Variants in ERBB4 observed in about 807,000 individuals in gnomAD.
ERBB4 encodes the protein receptor tyrosine-protein kinase erbB-4.
Under a neutral mutation model 158.0 loss-of-function variants are expected in ERBB4, and 42 were observed. The ratio of observed to expected loss-of-function variants is 0.27; its 90% confidence interval spans 0.21 to 0.34. The LOEUF is 0.34. Ranked by LOEUF, ERBB4 falls within the 10% of genes least tolerant of loss-of-function variation. The pLI is 1.00. For missense variants in ERBB4, 1,333 were observed against 1,624.1 expected (o/e 0.82, Z 3.08); for synonymous variants, 583 against 558.7 (o/e 1.04, Z -0.61).
chr2:212,416,585 C>T (rs1246819684), intron 1 of ERBB4, among the ~76,000 whole-genome samples: 1 of 152,000 alleles, frequency 6.6e-6, no homozygotes, highest in African/African-American at 2.4e-5. Context: ...GTATAAAATA[C>T]AAATAAAGCC....
At chr2:211,557,660 T>C (rs1203437317) in intron 20 of ERBB4, among the ~76,000 whole-genome samples, 1 of 121,024 alleles carries the variant, frequency 8.3e-6, no homozygotes. Context: ...GGAACACTTA[T>C]ACATGGTGGG....
chr2:211,905,687 C>CACAT (rs1183634005), intron 3 of ERBB4, among the ~76,000 whole-genome samples: 3,381 of 95,130 alleles, frequency 0.036, 128 homozygotes, highest in African/African-American at 0.07. Flanking sequence ...TATATACACA[C>CACAT]ATATATGTGT....
rs548134831 is a variant in ERBB4, at chr2:211,802,117, G to T, written c.422-13958C>A. 2.6e-5 allele frequency among the ~76,000 whole-genome samples: 4 copies of T among 152,256 alleles called. No homozygotes were observed. The East Asian group carries it at 7.7e-4, about 29-fold the overall frequency. On this transcript the variant is annotated intron_variant, in intron 3 of 27. Transcript: ENST00000342788. ...TACTAAAAATACAAAAAATTAGCCG[G>T]GTGCGGTGGCGGGCACCTGTAGTCG...
chr2:211,988,216 T>C (rs989523364), intron 2 of ERBB4, among the ~76,000 whole-genome samples: 1 of 152,142 alleles, frequency 6.6e-6, no homozygotes, highest in African/African-American at 2.4e-5. Flanking sequence ...TTCAGACCTA[T>C]TGTTATTAAA....
chr2:211,425,969 A>G (rs1460781294), intron 22 of ERBB4, among the ~76,000 whole-genome samples: 9 of 152,108 alleles, frequency 5.9e-5, no homozygotes, highest in Non-Finnish European at 1.2e-4. Flanking sequence ...CAAGCACGAG[A>G]CACCGTGCGG....
chr2:212,144,981 C>A (rs1047859045), intron 1 of ERBB4, among the ~76,000 whole-genome samples: 2 of 152,054 alleles, frequency 1.3e-5, no homozygotes, highest in Non-Finnish European at 2.9e-5. Flanking sequence ...CATTCGTAAA[C>A]CACTTTGGGG....
intron 1 of ERBB4, among the ~76,000 whole-genome samples, chr2:212,187,408 A>G (rs1054855540): frequency 8.2e-6 from 1 of 121,638 alleles, no homozygotes; most frequent in East Asian, 3.3e-4. Flanking sequence ...GTACCCTAAA[A>G]CTTAAAGTAT....
chr2:212,287,875 G>C (rs1477101401), intron 1 of ERBB4, among the ~76,000 whole-genome samples: 1 of 152,086 alleles, frequency 6.6e-6, no homozygotes, highest in Non-Finnish European at 1.5e-5. Flanking sequence ...GACACATAGA[G>C]GGCAACAACA....
chr2:211,676,936 G>A (rs781159519), intron 13 of ERBB4, among the ~76,000 whole-genome samples: 12 of 152,100 alleles, frequency 7.9e-5, no homozygotes, highest in African/African-American at 1.4e-4. Flanking sequence ...AATGAGACAA[G>A]CAGCAAATAA....
At chr2:211,649,691 C>G (rs1253092735) in intron 16 of ERBB4, among the ~76,000 whole-genome samples, 2 of 151,808 alleles carry the variant, frequency 1.3e-5, no homozygotes, top group Non-Finnish European at 1.5e-5. Context: ...CCATAAATGA[C>G]TCAAGCATAT....
Position 212,069,583 on chromosome 2 carries a change from T to C in ERBB4, c.234+55169A>G, listed in dbSNP as rs376279704. On this transcript the variant is annotated intron_variant, in intron 2 of 27. Coordinates refer to ENST00000342788, the MANE Select transcript of ERBB4 (RefSeq NM_005235.3). ...TAATTAGAGCCATTAAGTTTATTTTTAAAAGGTGTTCGGTTTAAACATTCA... is the reference window on the plus strand; with the variant it reads ...TAATTAGAGCCATTAAGTTTATTTTCAAAAGGTGTTCGGTTTAAACATTCA... Among the ~76,000 whole-genome samples the C allele has an allele frequency of 9.9e-5, 15 of 152,144 alleles. No individual in the cohort carries two copies. In the East Asian group the frequency reaches 2.1e-3, roughly 22 times the overall value.
At chr2:212,232,520 T>C (rs1227082340) in intron 1 of ERBB4, among the ~76,000 whole-genome samples, 1 of 152,202 alleles carries the variant, frequency 6.6e-6, no homozygotes, top group African/African-American at 2.4e-5. Context: ...GCGATTTTCC[T>C]GCCTCTGCCT....
chr2:211,885,542 A>T (rs909728551), intron 3 of ERBB4, among the ~76,000 whole-genome samples: 4 of 151,792 alleles, frequency 2.6e-5, no homozygotes, highest in African/African-American at 9.7e-5. Flanking sequence ...TGCAACCTCA[A>T]TCTCCTGGGT....
intron 9 of ERBB4, among the ~76,000 whole-genome samples, chr2:211,709,531 A>G (rs962438664): frequency 1.3e-5 from 2 of 151,798 alleles, no homozygotes; most frequent in African/African-American, 2.4e-5. Flanking sequence ...GTGTTTCTCA[A>G]TGGGGGCAGC....
chr2:212,384,514 G>A (rs768130038), intron 1 of ERBB4, among the ~76,000 whole-genome samples: 1 of 151,570 alleles, frequency 6.6e-6, no homozygotes, highest in African/African-American at 2.4e-5. Flanking sequence ...AAACTACTGT[G>A]ACATTACATT....
intron 3 of ERBB4, among the ~76,000 whole-genome samples, chr2:211,800,041 A>G (rs10179505): frequency 0.017 from 2,621 of 152,290 alleles, 68 homozygotes; most frequent in African/African-American, 0.059. Context: ...ATTATTCACA[A>G]TCACTAAATA....
intron 1 of ERBB4, among the ~76,000 whole-genome samples, chr2:212,187,818 A>G (rs1202306075): frequency 6.6e-6 from 1 of 152,142 alleles, no homozygotes. Flanking sequence ...GACATGAGTG[A>G]TCTTCAAAGT....
chr2:211,985,018 G>C (rs947394866), intron 2 of ERBB4, among the ~76,000 whole-genome samples: 2 of 152,096 alleles, frequency 1.3e-5, no homozygotes, highest in South Asian at 2.1e-4. Context: ...ATAACACTTA[G>C]AGTGTTATTG....
chr2:212,286,603 T>TTTTTG (rs1341644036), intron 1 of ERBB4, among the ~76,000 whole-genome samples: 1 of 128,744 alleles, frequency 7.8e-6, no homozygotes, highest in Non-Finnish European at 1.6e-5. Context: ...ACTTTTTTTT[T>TTTTTG]TTTTTTTTTT....
Sources: gnomAD v4.1 joint callset for allele counts (sites outside exome capture counted in the v4.1 genomes callset) on GRCh38, gnomAD v4.1.1 for gene constraint, MANE v1.5 for transcripts, NCBI Gene and HGNC (gene_info 2026-07-23, HGNC 2026-07-21) for gene names.